GLB1L3: variants seen among roughly 807,000 people sequenced by gnomAD.
GLB1L3 encodes beta-galactosidase-1-like protein 3.
Under a neutral mutation model 89.5 loss-of-function variants are expected in GLB1L3, and 89 were observed. That is an observed-to-expected ratio of 0.99 (90% CI 0.84 to 1.19). GLB1L3 has a LOEUF of 1.19. GLB1L3 is among the 50% of genes most tolerant of loss of function. GLB1L3 has a pLI of 0.00. For synonymous variants in GLB1L3, 314 were observed against 312.3 expected, an observed-to-expected ratio of 1.01 and a Z score of -0.06; for missense variants, 812 against 813.3, an observed-to-expected ratio of 1.00 and a Z score of 0.02.
intron 9 of GLB1L3, among the ~76,000 whole-genome samples, chr11:134,296,678 T>A: frequency 8.6e-6 from 1 of 116,942 alleles, no homozygotes; most frequent in African/African-American, 3.3e-5. Flanking sequence ...AACATCACAC[T>A]CTGGGGACTG....
chr11:134,283,180 A>G (rs915566897), intron 5 of GLB1L3, among the ~76,000 whole-genome samples: 1 of 151,920 alleles, frequency 6.6e-6, no homozygotes. Flanking sequence ...CTCCTGCCTC[A>G]GCCTCCTGAG....
intron 3 of GLB1L3, 56 bp downstream of exon 3, chr11:134,277,968 C>T (rs774337428): frequency 3.8e-6 from 6 of 1,568,720 alleles, no homozygotes; most frequent in African/African-American, 2.7e-5. Flanking sequence ...GCATCCTGGC[C>T]GGGAACCTGA....
intron 9 of GLB1L3, among the ~76,000 whole-genome samples, chr11:134,301,565 AT>A (rs961276118): frequency 1.3e-5 from 2 of 151,478 alleles, no homozygotes; most frequent in Admixed American, 6.6e-5. Flanking sequence ...CAAAGAACCG[AT>A]TTTTTTTTAA....
chr11:134,277,108 G>T (rs1284784388), intron 1 of GLB1L3: 4 of 652,778 alleles, frequency 6.1e-6, no homozygotes, highest in Non-Finnish European at 1.1e-5. Flanking sequence ...GGAGGGTCTA[G>T]GACTGAACGT....
At position 134,313,479 on chromosome 11, in the gene GLB1L3, G is replaced by A. The variant is rs1489837945; in HGVS notation, c.1579+5G>A. 1.0e-5 allele frequency: 16 copies of A among 1,569,952 alleles called. No homozygotes were observed. In the East Asian group the frequency reaches 2.8e-4, roughly 28 times the overall value. On this transcript the variant is annotated splice_donor_5th_base_variant and intron_variant, in intron 16 of 19. Coordinates refer to ENST00000431683, the MANE Select transcript of GLB1L3 (RefSeq NM_001080407.3). ...AAATACAGAATGAGCAGAAAGGTGG[G>A]CTCTGGCTGTGGCTTCTCCTCAGTT...
At chr11:134,297,792 G>A (rs1941728816) in intron 9 of GLB1L3, among the ~76,000 whole-genome samples, 2 of 148,906 alleles carry the variant, frequency 1.3e-5, no homozygotes, top group African/African-American at 5.0e-5. Context: ...CCCAGGAGGT[G>A]GAGGTAGCAG....
rs112981277 is a variant in GLB1L3, at chr11:134,276,524, C to T, written c.-217C>T. 4.3e-3 allele frequency: 1,674 copies of T among 393,234 alleles called. 30 individuals carry two copies. Among genetic ancestry groups the T allele is most frequent in the African/African-American group, 0.032 (1,527 of 47,974 alleles). 24.4% of individuals were successfully genotyped at this position (393,234 alleles called of 1,614,324 possible). A position where few individuals can be genotyped will look rare whatever the true frequency, so the allele number is the denominator to read the frequency against. On this transcript the variant is annotated 5_prime_UTR_variant, in exon 1 of 20. Coordinates refer to ENST00000431683, the MANE Select transcript of GLB1L3 (RefSeq NM_001080407.3). ...GAACACCTGGAGCGCCGGCGGAGCT[C>T]GGCTGTCCCCGCGGGAGGGAGCCCG...
At position 134,287,577 on chromosome 11, in the gene GLB1L3, GA is replaced by G. The variant is rs1941088733; in HGVS notation, c.637-1219del. Among the ~76,000 whole-genome samples the G allele has an allele frequency of 2.0e-5, 3 of 152,210 alleles. No individual in the cohort carries two copies. The South Asian group carries it at 6.2e-4, about 32-fold the overall frequency. ...GAAGTCTCACCCTTCGGGTTGGAGA[GA>G]ACTGATACTGTTCAATAATAAAAAC... On this transcript the variant is annotated intron_variant, in intron 6 of 19. Transcript: ENST00000431683.
chr11:134,293,026 C>A, intron 8 of GLB1L3, 119 bp from the exon 9 acceptor site: 1 of 778,280 alleles, frequency 1.3e-6, no homozygotes, highest in South Asian at 1.5e-5. Flanking sequence ...CAGCATCTCG[C>A]CATCCTCACT....
At chr11:134,311,419 C>G in intron 13 of GLB1L3, 2 of 473,702 alleles carry the variant, frequency 4.2e-6, no homozygotes, top group Admixed American at 7.0e-5. Flanking sequence ...ATGAACCTGT[C>G]TGGAGATGCT....
chr11:134,317,098 T>G (rs1374488806), intron 18 of GLB1L3: 2 of 152,192 alleles, frequency 1.3e-5, no homozygotes, highest in Admixed American at 1.3e-4. Flanking sequence ...TACCAATCAG[T>G]TTATACTTTT....
In GLB1L3 at chr11:134,293,128, C is replaced by G; in HGVS notation, c.812-17C>G. On this transcript the variant is annotated splice_polypyrimidine_tract_variant and intron_variant, in intron 8 of 19. Transcript: ENST00000431683. ...CTTGTCTCATGCCTCAGCTGGGTCT[C>G]TCTCTTCTTTATGCAGTGTTGGCCG... 4 of 1,612,038 alleles carry G rather than the reference C, an allele frequency of 2.5e-6. No individual in the cohort carries two copies. The highest frequency in any genetic ancestry group is 3.4e-6 in the Non-Finnish European group (4 of 1,178,182).
intron 9 of GLB1L3, 130 bp from the exon 10 acceptor site, chr11:134,306,994 C>A (rs747644500): frequency 1.6e-6 from 1 of 628,858 alleles, no homozygotes; most frequent in Non-Finnish European, 2.8e-6. Context: ...TGGATCAAAA[C>A]GGGAAAGCTC....
At chr11:134,314,295 ACTT>A (rs765613453) in intron 17 of GLB1L3, 32 bp from the exon 18 acceptor site, 84 of 1,422,644 alleles carry the variant, frequency 5.9e-5, no homozygotes, top group Middle Eastern at 2.0e-4. Context: ...TGGGAAGGGG[ACTT>A]CTTCTCCCCC....
intron 6 of GLB1L3, among the ~76,000 whole-genome samples, chr11:134,287,738 G>A (rs1021332225): frequency 2.0e-5 from 3 of 152,252 alleles, no homozygotes; most frequent in African/African-American, 7.2e-5. Flanking sequence ...GGGGGCAGGC[G>A]TGGCGCTGCC....
chr11:134,296,681 G>C (rs1250528867), intron 9 of GLB1L3, among the ~76,000 whole-genome samples: 1 of 132,120 alleles, frequency 7.6e-6, no homozygotes, highest in East Asian at 2.3e-4. Context: ...ATCACACTCT[G>C]GGGACTGTTG....
intron 1 of GLB1L3, 58 bp from the exon 2 acceptor site, chr11:134,277,268 T>G (rs1242291376): frequency 6.2e-7 from 1 of 1,610,690 alleles, no homozygotes; most frequent in East Asian, 2.2e-5. Context: ...TTCCCGGCCC[T>G]TGCAGCCCGG....
At chr11:134,302,776 G>A (rs495623) in intron 9 of GLB1L3, among the ~76,000 whole-genome samples, 24,200 of 152,146 alleles carry the variant, frequency 0.16, 2,067 homozygotes, top group Middle Eastern at 0.19. Context: ...TAAATGCCCT[G>A]TGTGTTTGTA....
At chr11:134,324,987 G>A in the GLB1L3 span, among the ~76,000 whole-genome samples, 1 of 151,902 alleles carries the variant, frequency 6.6e-6, no homozygotes, top group Non-Finnish European at 1.5e-5. Context: ...TCTATACATT[G>A]TTGGCTTAAA....
Sources: gnomAD v4.1 joint callset for allele counts (sites outside exome capture counted in the v4.1 genomes callset) on GRCh38, gnomAD v4.1.1 for gene constraint, MANE v1.5 for transcripts, NCBI Gene and HGNC (gene_info 2026-07-23, HGNC 2026-07-21) for gene names.